Variants in CFAP46 observed in about 807,000 individuals in gnomAD.
The protein encoded by CFAP46 is cilia- and flagella-associated protein 46.
Under a neutral mutation model 325.7 loss-of-function variants are expected in CFAP46, and 245 were observed. The ratio of observed to expected loss-of-function variants is 0.75; its 90% CI spans 0.68 to 0.84. The LOEUF is 0.84. CFAP46 is among the 40% of genes least tolerant of loss of function. The pLI, the probability that CFAP46 is intolerant of heterozygous loss-of-function variation, is 0.00. For synonymous variants in CFAP46, 1,523 were observed against 1,495.9 expected (o/e 1.02, Z -0.42); for missense variants, 3,346 against 3,543.0 (o/e 0.94, Z 1.41).
intron 35 of CFAP46, among the ~76,000 whole-genome samples, chr10:132,861,894 G>A (rs1848726408): frequency 6.6e-6 from 1 of 152,246 alleles, no homozygotes; most frequent in African/African-American, 2.4e-5. Context: ...CCCGCCGCCA[G>A]AGAGCAGGTG....
At chr10:132,818,690 T>C (rs576147120) in intron 50 of CFAP46, among the ~76,000 whole-genome samples, 212 of 152,040 alleles carry the variant, frequency 1.4e-3, no homozygotes, top group African/African-American at 4.9e-3. Flanking sequence ...CCGTCTCTAC[T>C]AAAATTACAA....
chr10:132,837,000 G>C lies in CFAP46; in HGVS notation c.6439-86C>G. On this transcript the variant is annotated intron_variant, in intron 44 of 57. Coordinates refer to ENST00000368586, the MANE Select transcript of CFAP46 (RefSeq NM_001200049.3). ...GTTCCCCTCATTTCCAGGAGACCTC[G>C]TGGCAGAGCCACGGCGGGGGCTTTG... 8 of 1,056,324 alleles carry C rather than the reference G, an allele frequency of 7.6e-6. No individual in the cohort carries two copies. In the South Asian group the frequency reaches 1.0e-4, roughly 14 times the overall value. The allele number at this position is 1,056,324 out of a possible 1,614,324, so 65.4% of individuals were successfully genotyped here.
rs1423425055 is a variant in CFAP46 at position 132,920,113 on chromosome 10, A to C, written c.1676T>G (p.Val559Gly). The change falls in exon 14 of 58, where the codon GTG (valine) becomes GGG (glycine). Residue 559 changes from valine to glycine, a missense_variant. Transcript: ENST00000368586. Reference sequence around the variant, plus strand: ...CCGCAGGTGCCCGGCAGCTTTGTCCACGCTGACGGTGTGGTGCCACGCCTT... The same window carrying C: ...CCGCAGGTGCCCGGCAGCTTTGTCCCCGCTGACGGTGTGGTGCCACGCCTT... ...CAKAWHHTVSVDKAAGHLRRL... is the reference protein window; with the variant it reads ...CAKAWHHTVSGDKAAGHLRRL... The C allele has an allele frequency of 6.5e-7, 1 of 1,548,968 alleles. No homozygotes were observed. The highest frequency in any genetic ancestry group is 8.7e-7 in the Non-Finnish European group (1 of 1,146,490).
At chr10:132,833,949 C>CT in intron 49 of CFAP46, 92 bp downstream of exon 49, 2 of 1,199,324 alleles carry the variant, frequency 1.7e-6, no homozygotes, top group East Asian at 2.3e-5. Flanking sequence ...CTGACCCCCC[C>CT]TGGCGTTCCC....
intron 33 of CFAP46, among the ~76,000 whole-genome samples, chr10:132,867,779 C>T (rs777327507): frequency 1.1e-4 from 17 of 152,336 alleles, no homozygotes; most frequent in African/African-American, 2.4e-4. Context: ...TCCATCTCTC[C>T]GGCGTGCCCA....
intron 17 of CFAP46, among the ~76,000 whole-genome samples, chr10:132,916,167 G>A (rs1205952804): frequency 6.6e-6 from 1 of 152,152 alleles, no homozygotes; most frequent in Non-Finnish European, 1.5e-5. Flanking sequence ...AGCAAATACA[G>A]AAGCTGCTCC....
rs771357794 is a variant in CFAP46 at position 132,860,818 on chromosome 10, C to T, written c.5055G>A (p.Ala1685=). The change falls in exon 36 of 58, where the codon GCG becomes GCA. Residue 1685 remains alanine, a synonymous_variant. Transcript: ENST00000368586. ...WYNSTLTLAE[A]LLSMEHSGRE... is the part of the protein sequence containing the mutation. ...TTCCTGAGTGTTCCATGGACAAGAG[C>T]GCCTCTGCCAGGGTCAGAGTGGAAT... The T allele has an allele frequency of 9.7e-6, 15 of 1,551,084 alleles. No homozygotes were observed. Among genetic ancestry groups the T allele is most frequent in the Admixed American group, 2.0e-5 (1 of 51,012 alleles).
Position 132,886,051 on chromosome 10 carries a change from G to C in CFAP46, c.3305-92C>G, listed in dbSNP as rs1180047976. The C allele has an allele frequency of 2.0e-6, 3 of 1,475,452 alleles. No homozygotes were observed. Among genetic ancestry groups the C allele is most frequent in the Non-Finnish European group, 2.7e-6 (3 of 1,094,786 alleles). The allele number at this position is 1,475,452 out of a possible 1,614,324, so 91.4% of individuals were successfully genotyped here. A position where few individuals can be genotyped will look rare whatever the true frequency, so the allele number is the denominator to read the frequency against. On this transcript the variant is annotated intron_variant, in intron 25 of 57. Coordinates refer to ENST00000368586, the MANE Select transcript of CFAP46 (RefSeq NM_001200049.3). This position sits in a 1 kb window ranked among gnomAD's most constrained non-coding sequence, Gnocchi z 5.8. Reference sequence around the variant, plus strand: ...CCCAGACTAAGCTGCCCATCACAGTGCCCCTGAGGTGGAACCGCGGCTACA... The same window carrying C: ...CCCAGACTAAGCTGCCCATCACAGTCCCCCTGAGGTGGAACCGCGGCTACA...
rs1182421856 is a variant in CFAP46 at position 132,869,350 on chromosome 10, G to A, written c.4534C>T (p.Leu1512=). The A allele has an allele frequency of 6.5e-7, 1 of 1,537,646 alleles. No individual in the cohort carries two copies. The highest frequency in any genetic ancestry group is 1.4e-5 in the African/African-American group (1 of 73,010). The change falls in exon 33 of 58, where the codon CTG becomes TTG. Residue 1512 remains leucine (L), a synonymous_variant. Transcript: ENST00000368586. This position sits in a 1 kb window ranked among gnomAD's most constrained non-coding sequence, Gnocchi z 6.2. ...HLRLAHACSE[L]KLREAAARHE... is the part of the protein sequence containing the mutation. ...CGCGCGGCTGCTTCTCTCAGCTTCA[G>A]CTCGGAGCACGCGTGGGCGAGGCTG...
At position 132,847,105 on chromosome 10, in the gene CFAP46, T is replaced by C; in HGVS notation, c.6094A>G (p.Met2032Val). The C allele has an allele frequency of 1.2e-6, 2 of 1,610,376 alleles. No individual in the cohort carries two copies. The highest frequency in any genetic ancestry group is 1.1e-5 in the South Asian group (1 of 90,820). Reference protein sequence around the residue: ...CRRGEDLKRRMVLAQQYLAQA... With the variant: ...CRRGEDLKRRVVLAQQYLAQA... ...GCCAGGTACTGCTGGGCCAGAACCA[T>C]CCTCCTCTGTGGGGCACAAGGCTCA... Residue 2032 changes from methionine to valine, a missense_variant, in exon 43 of 58, where the codon ATG becomes GTG. Physicochemically the swap from Met to Val is conservative, Grantham distance 21 (BLOSUM62 1). Transcript: ENST00000368586. The surrounding 1 kb of genome is among the most constrained non-coding windows in gnomAD (Gnocchi z 5.2).
At position 132,942,046 on chromosome 10, in the gene CFAP46, C is replaced by G. The variant is rs565433841; in HGVS notation, c.108G>C (p.Ser36=). The change falls in exon 2 of 58, where the codon TCG becomes TCC. Residue 36 remains serine (S), a synonymous_variant. Coordinates refer to ENST00000368586, the MANE Select transcript of CFAP46 (RefSeq NM_001200049.3). The part of the protein sequence containing the change: ...ELIKSANLGK[S]EFDPSESFSP... ...TGAAGCTCTCTGAGGGGTCAAACTCCGATTTCCCTAGGTTGGCCGATTTGA... is the reference window on the plus strand; with the variant it reads ...TGAAGCTCTCTGAGGGGTCAAACTCGGATTTCCCTAGGTTGGCCGATTTGA... The G allele has an allele frequency of 6.4e-7, 1 of 1,551,788 alleles. No individual in the cohort carries two copies. Among genetic ancestry groups the G allele is most frequent in the Non-Finnish European group, 8.7e-7 (1 of 1,146,988 alleles).
At chr10:132,833,157 T>A (rs760599170) in intron 50 of CFAP46, among the ~76,000 whole-genome samples, 1 of 152,130 alleles carries the variant, frequency 6.6e-6, no homozygotes, top group Non-Finnish European at 1.5e-5. Context: ...AACTTTCTTG[T>A]AGAGATGCAC....
chr10:132,812,864 G>T lies in CFAP46; in HGVS notation c.7422C>A (p.Cys2474Ter), dbSNP rs777257384. 5 of 1,610,434 alleles carry T rather than the reference G, an allele frequency of 3.1e-6. No homozygotes were observed. Among genetic ancestry groups the T allele is most frequent in the Non-Finnish European group, 8.5e-7 (1 of 1,179,840 alleles). ...QAQWEQALGS[C>*]SGFFFYGMES... ...CCATTCCATAGAAGAAGAAACCGCT[G>T]CAGCTGCCCAGGGCCTGCTCCCACT... is the stretch of plus-strand genomic sequence containing the variant. Residue 2474 changes from cysteine to a stop codon, truncating the protein, a stop_gained, in exon 55 of 58, where the codon TGC becomes TGA. Coordinates refer to ENST00000368586, the MANE Select transcript of CFAP46 (RefSeq NM_001200049.3). LOFTEE classifies it high-confidence loss of function.
chr10:132,874,818 G>C (rs1235504395), intron 31 of CFAP46, among the ~76,000 whole-genome samples: 2 of 152,178 alleles, frequency 1.3e-5, no homozygotes, highest in Non-Finnish European at 2.9e-5. Context: ...TTATACTTCA[G>C]AGTAAAATGC....
intron 50 of CFAP46, among the ~76,000 whole-genome samples, chr10:132,824,446 ATGTGTGCTGTGTGCTGATGTGTGCTG>A (rs1409462449): frequency 3.7e-5 from 3 of 80,978 alleles, no homozygotes; most frequent in African/African-American, 1.0e-4. Context: ...CTGTGTGCTG[ATGTGTGCTGTGTGCTGATGTGTGCTG>A]TGTGTGCTGT....
In CFAP46 at chr10:132,817,873, C is replaced by T. The variant is rs948129763; in HGVS notation, c.7118-2959G>A. Among the ~76,000 whole-genome samples the T allele has an allele frequency of 2.6e-5, 4 of 152,234 alleles. No homozygotes were observed. The East Asian group carries it at 5.8e-4, about 22-fold the overall frequency. Reference sequence around the variant, plus strand: ...GGGGTCACTGGGTCACAGTGAACGGCGTCGGCCGCGCTCTGCCTGGAGGCT... The same window carrying T: ...GGGGTCACTGGGTCACAGTGAACGGTGTCGGCCGCGCTCTGCCTGGAGGCT... On this transcript the variant is annotated intron_variant, in intron 50 of 57. Coordinates refer to ENST00000368586, the MANE Select transcript of CFAP46 (RefSeq NM_001200049.3). The surrounding 1 kb of genome is among the most constrained non-coding windows in gnomAD (Gnocchi z 4.4).
At chr10:132,942,220 G>A (rs1850116654) in intron 1 of CFAP46, 116 bp from the exon 2 acceptor site, 2 of 1,364,880 alleles carry the variant, frequency 1.5e-6, no homozygotes, top group South Asian at 1.4e-5. Context: ...CACAGCCACC[G>A]TCAGAACCTG....
chr10:132,879,399 A>G, intron 29 of CFAP46, 27 bp downstream of exon 29: 1 of 1,468,858 alleles, frequency 6.8e-7, no homozygotes, highest in South Asian at 1.4e-5. Context: ...GTGCTGCAGG[A>G]GCAGGGGAGT....
chr10:132,854,706 T>A (rs556658136), intron 39 of CFAP46, among the ~76,000 whole-genome samples: 6 of 152,236 alleles, frequency 3.9e-5, no homozygotes, highest in African/African-American at 1.4e-4. Context: ...AAATATACAA[T>A]TCAGTGGCAC....
Sources: gnomAD v4.1 joint callset for allele counts (sites outside exome capture counted in the v4.1 genomes callset) on GRCh38, gnomAD v4.1.1 for gene constraint, Gnocchi (gnomAD v3.1) non-coding constraint, MANE v1.5 for transcripts, NCBI Gene and HGNC (gene_info 2026-07-23, HGNC 2026-07-21) for gene names.